The following TDRD3 variants were observed in gnomAD, a reference collection of about 807,000 sequenced individuals.
TDRD3 encodes the protein tudor domain-containing protein 3.
TDRD3 carries 45 observed loss-of-function variants against 86.7 expected under a neutral mutation model. The ratio of observed to expected loss-of-function variants is 0.52; its 90% confidence interval spans 0.41 to 0.67. TDRD3 has a LOEUF of 0.67. Ranked by LOEUF, TDRD3 falls within the 30% of genes least tolerant of loss-of-function variation. The pLI is 0.00. For synonymous variants in TDRD3, 298 were observed against 301.7 expected (o/e 0.99, Z 0.13); for missense variants, 814 against 889.0 (o/e 0.92, Z 1.07).
intron 12 of TDRD3, among the ~76,000 whole-genome samples, chr13:60,540,170 A>G (rs1957779293): frequency 1.3e-5 from 2 of 152,180 alleles, no homozygotes; most frequent in South Asian, 2.1e-4. Context: ...TCTACCACAC[A>G]TATTTTGGGA....
At chr13:60,535,376 T>G (rs1957677121) in intron 12 of TDRD3, 143 bp downstream of exon 12, 2 of 814,526 alleles carry the variant, frequency 2.5e-6, no homozygotes, top group South Asian at 5.8e-5. Flanking sequence ...AAGTAAGATT[T>G]TAATTCAATG....
At position 60,415,158 on chromosome 13, in the gene TDRD3, A is replaced by C. The variant is rs77307911; in HGVS notation, c.41+17753A>C. On this transcript the variant is annotated intron_variant, in intron 1 of 13. Coordinates refer to ENST00000377881, the MANE Select transcript of TDRD3 (RefSeq NM_001146070.2). ...GATTTGACCAAGATTGATGTTTTAT[A>C]ACAGTGTTTAGGGAACTAGGCATGA... Among the ~76,000 whole-genome samples the C allele has an allele frequency of 4.0e-3, 607 of 152,176 alleles. 19 individuals carry two copies. The East Asian group carries it at 0.096, about 24-fold the overall frequency.
intron 1 of TDRD3, among the ~76,000 whole-genome samples, chr13:60,426,899 A>G (rs1456248296): frequency 6.6e-6 from 1 of 152,232 alleles, no homozygotes; most frequent in Non-Finnish European, 1.5e-5. Flanking sequence ...CTACGCGCAT[A>G]GGCTATATGG....
chr13:60,565,172 C>T (rs1044693523), intron 12 of TDRD3, among the ~76,000 whole-genome samples: 2 of 150,550 alleles, frequency 1.3e-5, no homozygotes, highest in Non-Finnish European at 3.0e-5. Flanking sequence ...TCTCCTGCCT[C>T]AGTCTCCCGA....
chr13:60,508,769 C>G (rs908937861), intron 8 of TDRD3, among the ~76,000 whole-genome samples: 64 of 152,090 alleles, frequency 4.2e-4, no homozygotes, highest in African/African-American at 1.5e-3. Context: ...TCACTGTAAC[C>G]TTCATCAAGT....
At chr13:60,395,852 G>A (rs567647311), upstream of TDRD3, among the ~76,000 whole-genome samples, 3 of 152,054 alleles carry the variant, frequency 2.0e-5, no homozygotes, top group South Asian at 2.1e-4. Context: ...CTTAAACACT[G>A]CATACTACTG....
chr13:60,397,343 AC>A lies in TDRD3; in HGVS notation c.-17del, dbSNP rs1953946994. The stretch of plus-strand genomic sequence containing the variant: ...ATCACCCCCACCCCAGCCCCCCACC[AC>A]CCCCGGCCTAAGCAGCTACCATGGC... On this transcript the variant is annotated 5_prime_UTR_variant, in exon 1 of 14. An upstream open reading frame in the 5' UTR loses its in-frame stop. Coordinates refer to ENST00000377881, the MANE Select transcript of TDRD3 (RefSeq NM_001146070.2). The A allele has an allele frequency of 9.4e-6, 12 of 1,273,296 alleles. No homozygotes were observed. Among genetic ancestry groups the A allele is most frequent in the South Asian group, 6.2e-5 (4 of 64,714 alleles). The allele number at this position is 1,273,296 out of a possible 1,614,324, so 78.9% of individuals were successfully genotyped here.
At chr13:60,396,485 C>A (rs1036180232), upstream of TDRD3, 1 of 152,366 alleles carries the variant, frequency 6.6e-6, no homozygotes, top group Admixed American at 6.5e-5. Flanking sequence ...CCCTCTACAG[C>A]GCGGGCGAAG....
At chr13:60,559,773 A>C (rs951354935) in intron 12 of TDRD3, among the ~76,000 whole-genome samples, 4 of 152,174 alleles carry the variant, frequency 2.6e-5, no homozygotes, top group Non-Finnish European at 4.4e-5. Context: ...AAGGTTACGA[A>C]GTTTCAGTTA....
chr13:60,552,448 G>A (rs748950013), intron 12 of TDRD3, among the ~76,000 whole-genome samples: 1 of 152,222 alleles, frequency 6.6e-6, no homozygotes, highest in Non-Finnish European at 1.5e-5. Flanking sequence ...CTGTGGCTCT[G>A]CAGGGTGCAG....
At chr13:60,455,529 G>C (rs1042251559) in intron 3 of TDRD3, among the ~76,000 whole-genome samples, 2 of 152,200 alleles carry the variant, frequency 1.3e-5, no homozygotes, top group African/African-American at 4.8e-5. Context: ...TGGAAGTAGT[G>C]ATGGGGTAGA....
intron 8 of TDRD3, among the ~76,000 whole-genome samples, chr13:60,500,249 A>T (rs1279601867): frequency 6.6e-6 from 1 of 152,216 alleles, no homozygotes; most frequent in Non-Finnish European, 1.5e-5. Flanking sequence ...CTATCTCACC[A>T]TAAAATGGCT....
At chr13:60,558,332 A>G (rs1184648133) in intron 12 of TDRD3, among the ~76,000 whole-genome samples, 2 of 152,206 alleles carry the variant, frequency 1.3e-5, no homozygotes, top group Non-Finnish European at 2.9e-5. Context: ...AATGACATAA[A>G]CTATGAGAGA....
rs545787074 is a variant in TDRD3, at chr13:60,498,871, A to G, written c.858+4296A>G. ...AAAATGTCACTGTGGTCCTCCAGTT[A>G]AAGTAGGGGCTTATGGAGGTCAGGA... is the stretch of plus-strand genomic sequence containing the variant. On this transcript the variant is annotated intron_variant, in intron 8 of 13. Transcript: ENST00000377881. Among the ~76,000 whole-genome samples the G allele has an allele frequency of 5.3e-5, 8 of 152,278 alleles. No homozygotes were observed. In the South Asian group the frequency reaches 1.7e-3, roughly 32 times the overall value.
At chr13:60,499,581 CAT>C (rs1162002749) in intron 8 of TDRD3, among the ~76,000 whole-genome samples, 1 of 152,220 alleles carries the variant, frequency 6.6e-6, no homozygotes, top group Non-Finnish European at 1.5e-5. Context: ...ACAGTGATGA[CAT>C]ATGCTGATTG....
intron 10 of TDRD3, among the ~76,000 whole-genome samples, chr13:60,525,449 C>T (rs1392705735): frequency 1.3e-5 from 2 of 151,928 alleles, no homozygotes; most frequent in East Asian, 3.9e-4. Flanking sequence ...GCTGGGATTA[C>T]AGGGGTGAAC....
rs201181278 is a variant in TDRD3, at chr13:60,518,944, A to AATATT, written c.1141+8190_1141+8191insTATTA. Among the ~76,000 whole-genome samples the AATATT allele has an allele frequency of 8.4e-3, 1,273 of 152,296 alleles. 8 individuals are homozygous for AATATT. Among genetic ancestry groups the AATATT allele is most frequent in the Middle Eastern group, 0.024 (7 of 294 alleles). ...AATATACTTTGCTGTGAATTTTTGA[A>AATATT]AGATGTTATATCTAATATAATTGAG... is the stretch of plus-strand genomic sequence containing the variant. On this transcript the variant is annotated intron_variant, in intron 10 of 13. Transcript: ENST00000377881.
chr13:60,542,426 A>G (rs1957838238), intron 12 of TDRD3, among the ~76,000 whole-genome samples: 1 of 152,206 alleles, frequency 6.6e-6, no homozygotes, highest in Admixed American at 6.5e-5. Flanking sequence ...TACAAATTGA[A>G]AAGGCATCCT....
Position 60,460,315 on chromosome 13 carries a change from A to C in TDRD3, c.193-65A>C, listed in dbSNP as rs542288387. 58 of 1,389,882 alleles carry C rather than the reference A, an allele frequency of 4.2e-5. 1 individual carries two copies. The South Asian group carries it at 8.3e-4, about 20-fold the overall frequency. The allele number at this position is 1,389,882 out of a possible 1,614,324, so 86.1% of individuals were successfully genotyped here. A position where few individuals can be genotyped will look rare whatever the true frequency, so the allele number is the denominator to read the frequency against. On this transcript the variant is annotated intron_variant, in intron 3 of 13. Transcript: ENST00000377881. ...AAGGAAAAGAGAAACACTATAAATGAAAACACAGCCCTGAATAGAGTTTCA... is the reference window on the plus strand; with the variant it reads ...AAGGAAAAGAGAAACACTATAAATGCAAACACAGCCCTGAATAGAGTTTCA...
Sources: allele counts gnomAD v4.1 joint callset (sites outside exome capture counted in the v4.1 genomes callset), GRCh38; gene constraint gnomAD v4.1.1; transcripts MANE v1.5; gene names NCBI Gene and HGNC (gene_info 2026-07-23, HGNC 2026-07-21).